CFAP52: variants seen among roughly 807,000 people sequenced by gnomAD.
CFAP52 encodes the protein cilia and flagella associated protein 52.
CFAP52 carries 57 observed loss-of-function variants against 70.5 expected under a neutral mutation model. That is an observed-to-expected ratio of 0.81 (90% CI 0.65 to 1.01). The LOEUF (loss-of-function observed/expected upper bound fraction) is 1.01, where lower values mean the gene tolerates loss of function less well. Among genes scored for constraint, CFAP52 ranks in the 50% least tolerant of loss-of-function variants. The probability of loss-of-function intolerance (pLI) is 0.00; values close to 1 mark genes in which losing one functional copy is unlikely to be tolerated. For missense variants in CFAP52, 785 were observed against 788.5 expected (o/e 1.00, Z 0.05); for synonymous variants, 267 against 292.5 (o/e 0.91, Z 0.89).
At chr17:9,640,553 T>G (rs149768145) in intron 12 of CFAP52, among the ~76,000 whole-genome samples, 362 of 152,304 alleles carry the variant, frequency 2.4e-3, no homozygotes, top group African/African-American at 8.2e-3. Flanking sequence ...ACTCCATCCA[T>G]GTCCCGGCAA....
chr17:9,624,985 T>A (rs1020149465), intron 8 of CFAP52, among the ~76,000 whole-genome samples: 6 of 152,138 alleles, frequency 3.9e-5, no homozygotes, highest in Non-Finnish European at 8.8e-5. Flanking sequence ...TGATTTCCTT[T>A]CTTTTAGTGA....
intron 1 of CFAP52, among the ~76,000 whole-genome samples, chr17:9,578,522 G>GA (rs1329819657): frequency 1.3e-5 from 2 of 152,104 alleles, no homozygotes; most frequent in Admixed American, 6.5e-5. Flanking sequence ...AGCTGCCAGA[G>GA]AAAAAGAAAA....
chr17:9,586,568 C>CA (rs11296135), intron 2 of CFAP52, 130 bp from the exon 3 acceptor site: 4,713 of 888,076 alleles, frequency 5.3e-3, no homozygotes, highest in South Asian at 6.7e-3. Context: ...TCCGTCTCAA[C>CA]AAAAAAAAAA....
chr17:9,593,095 G>C (rs1908836416), intron 3 of CFAP52, among the ~76,000 whole-genome samples: 1 of 152,130 alleles, frequency 6.6e-6, no homozygotes, highest in South Asian at 2.1e-4. Flanking sequence ...CATTCCATAT[G>C]TAGAAAAGTT....
intron 1 of CFAP52, among the ~76,000 whole-genome samples, chr17:9,582,376 G>A (rs180974013): frequency 1.3e-5 from 2 of 152,170 alleles, no homozygotes; most frequent in South Asian, 2.1e-4. Context: ...ATCTCATTTC[G>A]GACATAATTT....
chr17:9,596,256 C>T (rs1376760779), intron 4 of CFAP52, among the ~76,000 whole-genome samples: 5 of 151,078 alleles, frequency 3.3e-5, no homozygotes, highest in Admixed American at 6.6e-5. Flanking sequence ...CATGCTGCCA[C>T]GCCCGGCTAA....
In CFAP52 at chr17:9,628,796, A is replaced by T. The variant is rs1307790572; in HGVS notation, c.1150A>T (p.Arg384Trp). The T allele has an allele frequency of 6.2e-7, 1 of 1,614,114 alleles. No homozygotes were observed. Among genetic ancestry groups the T allele is most frequent in the Non-Finnish European group, 8.5e-7 (1 of 1,180,008 alleles). Residue 384 changes from arginine to tryptophan, a missense_variant, in exon 9 of 14, where the codon AGG (arginine) becomes TGG (tryptophan). Physicochemically the swap from Arg to Trp is moderately radical, Grantham distance 101. Transcript: ENST00000352665. ...NMTCHGIDFM[R>W]DGKSIISAWN... ...GACCTGCCACGGCATCGACTTCATG[A>T]GGGACGGCAAAAGCATCATTTCAGG... is the stretch of plus-strand genomic sequence containing the variant.
chr17:9,637,541 G>C (rs1206107978), intron 11 of CFAP52, among the ~76,000 whole-genome samples: 1 of 152,136 alleles, frequency 6.6e-6, no homozygotes, highest in Non-Finnish European at 1.5e-5. Flanking sequence ...ATATTTCTTG[G>C]TACAGTATCT....
intron 9 of CFAP52, among the ~76,000 whole-genome samples, chr17:9,631,006 GA>G (rs1428426933): frequency 1.0e-4 from 5 of 50,074 alleles, no homozygotes; most frequent in African/African-American, 7.6e-4. Flanking sequence ...AAGAAAGAAA[GA>G]AAGAAAGAAA....
intron 7 of CFAP52, among the ~76,000 whole-genome samples, chr17:9,609,694 G>A (rs900956403): frequency 1.1e-4 from 17 of 151,896 alleles, no homozygotes; most frequent in Admixed American, 1.0e-3. Context: ...GTGACAGAAC[G>A]AGACCTCGTC....
At chr17:9,589,872 T>C (rs1400760430) in intron 3 of CFAP52, 1 of 134,582 alleles carries the variant, frequency 7.4e-6, no homozygotes, top group African/African-American at 2.9e-5. Context: ...TCACCAAGAG[T>C]GCTATCTACA....
intron 8 of CFAP52, among the ~76,000 whole-genome samples, chr17:9,628,345 TCTTGGCTCATTGCAAC>T (rs1345397518): frequency 1.3e-5 from 2 of 151,476 alleles, no homozygotes; most frequent in East Asian, 3.9e-4. Flanking sequence ...AGTGGCCCCA[TCTTGGCTCATTGCAAC>T]CTTTGCCTTC....
Position 9,638,603 on chromosome 17 carries a change from T to C in CFAP52, c.1473-6T>C. ...GACTTTCACAGCTTTTGAATCTACT[T>C]TCCAGGCGTCTCAGGAGGAATCAGA... On this transcript the variant is annotated splice_region_variant and splice_polypyrimidine_tract_variant and intron_variant, in intron 11 of 13. Coordinates refer to ENST00000352665, the MANE Select transcript of CFAP52 (RefSeq NM_145054.5). The C allele has an allele frequency of 6.2e-7, 1 of 1,613,774 alleles. No homozygotes were observed. The highest frequency in any genetic ancestry group is 8.5e-7 in the Non-Finnish European group (1 of 1,179,730).
chr17:9,644,341 G>T (rs941279751), downstream of CFAP52, among the ~76,000 whole-genome samples: 4 of 152,174 alleles, frequency 2.6e-5, no homozygotes, highest in Non-Finnish European at 5.9e-5. Context: ...CTGACCTCAG[G>T]TGATCCGCCC....
At chr17:9,586,279 G>T (rs1908471861) in intron 2 of CFAP52, among the ~76,000 whole-genome samples, 1 of 152,012 alleles carries the variant, frequency 6.6e-6, no homozygotes, top group Non-Finnish European at 1.5e-5. Context: ...AAGTGATAGA[G>T]CGGGCTGGGC....
At chr17:9,629,641 G>C (rs1043460541) in intron 9 of CFAP52, among the ~76,000 whole-genome samples, 2 of 149,654 alleles carry the variant, frequency 1.3e-5, no homozygotes, top group African/African-American at 4.9e-5. Context: ...TCTGCCTCCC[G>C]TGTTCAAGCA....
At chr17:9,624,259 T>G (rs914174770) in intron 8 of CFAP52, among the ~76,000 whole-genome samples, 20 of 152,124 alleles carry the variant, frequency 1.3e-4, no homozygotes, top group African/African-American at 4.6e-4. Context: ...CCTTAAGAAT[T>G]TTCACCTTTG....
At chr17:9,626,498 G>A (rs898674934) in intron 8 of CFAP52, among the ~76,000 whole-genome samples, 2 of 152,162 alleles carry the variant, frequency 1.3e-5, no homozygotes, top group Non-Finnish European at 2.9e-5. Context: ...CCAAAGCACT[G>A]GGATTACAGG....
rs1567637228 is a variant in CFAP52, at chr17:9,636,237, AAG to A, written c.1472+683_1472+684del. Among the ~76,000 whole-genome samples the A allele has an allele frequency of 1.0e-4, 15 of 146,498 alleles. 2 individuals carry two copies. The highest frequency in any genetic ancestry group is 3.9e-4 in the African/African-American group (15 of 38,330). ...AAAGAAAGAAAGAAAGAAAGAAAGA[AAG>A]AAAGAAAGAAAGAGAAAGAAAAATA... On this transcript the variant is annotated intron_variant, in intron 11 of 13. Coordinates refer to ENST00000352665, the MANE Select transcript of CFAP52 (RefSeq NM_145054.5).
Sources: gnomAD v4.1 joint callset for allele counts (sites outside exome capture counted in the v4.1 genomes callset) on GRCh38, gnomAD v4.1.1 for gene constraint, MANE v1.5 for transcripts, NCBI Gene and HGNC (gene_info 2026-07-23, HGNC 2026-07-21) for gene names.